AUTS2: variants seen among roughly 807,000 people sequenced by gnomAD.
The protein encoded by AUTS2 is activator of transcription and developmental regulator AUTS2.
In AUTS2, 17 loss-of-function variants were observed where a neutral mutation model predicts 112.4. The ratio of observed to expected loss-of-function variants is 0.15; its 90% CI spans 0.10 to 0.23. The LOEUF is 0.23. AUTS2 is among the 10% of genes least tolerant of loss of function. The pLI is 1.00. For missense variants in AUTS2, 1,510 were observed against 1,701.6 expected (o/e 0.89, Z 1.98); for synonymous variants, 751 against 702.7 (o/e 1.07, Z -1.09).
At chr7:70,367,352 C>T (rs954971765) in intron 4 of AUTS2, among the ~76,000 whole-genome samples, 4 of 151,822 alleles carry the variant, frequency 2.6e-5, no homozygotes, top group Non-Finnish European at 5.9e-5. Context: ...GTCAGGAGAT[C>T]GAGACCATCC....
chr7:70,249,319 T>C (rs1010832402), intron 4 of AUTS2, among the ~76,000 whole-genome samples: 2 of 152,166 alleles, frequency 1.3e-5, no homozygotes, highest in African/African-American at 4.8e-5. Context: ...AGGTCCAAAA[T>C]ATCATTTCAA....
chr7:70,120,823 C>G (rs958328088), intron 3 of AUTS2, among the ~76,000 whole-genome samples: 9 of 152,104 alleles, frequency 5.9e-5, no homozygotes, highest in Non-Finnish European at 1.0e-4. Flanking sequence ...TTCCAACAAT[C>G]TTTTTTTGCA....
chr7:70,377,590 G>T (rs909413278), intron 4 of AUTS2, among the ~76,000 whole-genome samples: 1 of 150,690 alleles, frequency 6.6e-6, no homozygotes, highest in Non-Finnish European at 1.5e-5. Context: ...AACATTTTTC[G>T]TCTTCCCAAA....
intron 6 of AUTS2, among the ~76,000 whole-genome samples, chr7:70,736,645 G>A (rs940956046): frequency 1.3e-5 from 2 of 152,148 alleles, no homozygotes; most frequent in African/African-American, 4.8e-5. Context: ...GATAGATTGG[G>A]GTGATTAGCT....
chr7:69,795,670 G>T (rs143240076), intron 1 of AUTS2, among the ~76,000 whole-genome samples: 1 of 152,220 alleles, frequency 6.6e-6, no homozygotes, highest in Non-Finnish European at 1.5e-5. Flanking sequence ...GATGCGAAAG[G>T]TTTGTTCTAT....
rs554212664 is a variant in AUTS2, at chr7:70,627,061, T to G, written c.691-71508T>G. ...TGGGATTTCTGGGTCAAATGGTAAT[T>G]CTGTTTTAAGTTCTTTGAAAAACCT... On this transcript the variant is annotated intron_variant, in intron 5 of 18. Coordinates refer to ENST00000342771, the MANE Select transcript of AUTS2 (RefSeq NM_015570.4). 4.6e-5 allele frequency among the ~76,000 whole-genome samples: 7 copies of G among 152,326 alleles called. No individual in the cohort carries two copies. The South Asian group carries it at 1.2e-3, about 27-fold the overall frequency.
At chr7:69,660,544 G>T (rs1274183098) in intron 1 of AUTS2, among the ~76,000 whole-genome samples, 1 of 152,132 alleles carries the variant, frequency 6.6e-6, no homozygotes, top group Non-Finnish European at 1.5e-5. Context: ...TACTTATTTT[G>T]AGTGGAGGTG....
intron 1 of AUTS2, among the ~76,000 whole-genome samples, chr7:69,770,470 G>C (rs1045494040): frequency 2.0e-5 from 3 of 152,106 alleles, no homozygotes; most frequent in Non-Finnish European, 4.4e-5. Flanking sequence ...GAGCATCCTG[G>C]CTACCTGAGA....
At chr7:70,063,457 C>T (rs1010221572) in intron 2 of AUTS2, among the ~76,000 whole-genome samples, 1 of 152,142 alleles carries the variant, frequency 6.6e-6, no homozygotes, top group African/African-American at 2.4e-5. Context: ...CCAGCTTTCT[C>T]GTATCCTGGC....
intron 4 of AUTS2, among the ~76,000 whole-genome samples, chr7:70,427,938 C>A (rs1406812674): frequency 2.6e-5 from 4 of 152,178 alleles, no homozygotes; most frequent in Non-Finnish European, 2.9e-5. Context: ...ATCTCCTGAA[C>A]AATTGAAGAT....
At chr7:69,612,897 T>TACTC (rs1354248364) in intron 1 of AUTS2, among the ~76,000 whole-genome samples, 1 of 152,220 alleles carries the variant, frequency 6.6e-6, no homozygotes, top group Non-Finnish European at 1.5e-5. Context: ...GCATAGTAGG[T>TACTC]ACTCAGTCAT....
rs57525224 is a variant in AUTS2 at position 70,739,003 on chromosome 7, C to CTTTTTTTTTTTTTTTTTTTT, written c.743-23852_743-23833dup. Among the ~76,000 whole-genome samples, 16 of 57,306 alleles carry CTTTTTTTTTTTTTTTTTTTT rather than the reference C, an allele frequency of 2.8e-4. 4 individuals are homozygous for CTTTTTTTTTTTTTTTTTTTT. Among genetic ancestry groups the CTTTTTTTTTTTTTTTTTTTT allele is most frequent in the East Asian group, 7.8e-4 (1 of 1,280 alleles). 37.6% of individuals were successfully genotyped at this position (57,306 alleles called of 152,430 possible). Reference sequence around the variant, plus strand: ...GGTGATGTCCACGAGGTTTTGAGGCCTTTTTTTTTTTTTTTTTTTTTTTTT... The same window carrying CTTTTTTTTTTTTTTTTTTTT: ...GGTGATGTCCACGAGGTTTTGAGGCCTTTTTTTTTTTTTTTTTTTTTTTTTTTTTTTTTTTTTTTTTTTTT... On this transcript the variant is annotated intron_variant, in intron 6 of 18. Coordinates refer to ENST00000342771, the MANE Select transcript of AUTS2 (RefSeq NM_015570.4).
intron 6 of AUTS2, among the ~76,000 whole-genome samples, chr7:70,753,395 A>G (rs1195127638): frequency 6.6e-6 from 1 of 152,222 alleles, no homozygotes; most frequent in Admixed American, 6.5e-5. Flanking sequence ...AGCACAAAAT[A>G]GAATCTCTTC....
At chr7:69,727,846 C>G (rs982664258) in intron 1 of AUTS2, among the ~76,000 whole-genome samples, 2 of 152,020 alleles carry the variant, frequency 1.3e-5, no homozygotes, top group African/African-American at 4.8e-5. Context: ...ATCAAATTGT[C>G]CAGTTCTTAA....
At chr7:70,384,727 T>C (rs867057214) in intron 4 of AUTS2, among the ~76,000 whole-genome samples, 1 of 152,226 alleles carries the variant, frequency 6.6e-6, no homozygotes, top group African/African-American at 2.4e-5. Context: ...TTCAGCCTAC[T>C]ATTACAAGTT....
At chr7:70,567,548 A>C (rs1801757281) in intron 5 of AUTS2, among the ~76,000 whole-genome samples, 1 of 152,240 alleles carries the variant, frequency 6.6e-6, no homozygotes, top group South Asian at 2.1e-4. Flanking sequence ...TCACAGCTCC[A>C]GCATCAGTGA....
intron 11 of AUTS2, among the ~76,000 whole-genome samples, chr7:70,772,325 C>T (rs527821525): frequency 6.6e-6 from 1 of 152,334 alleles, no homozygotes; most frequent in South Asian, 2.1e-4. Flanking sequence ...TCTGTTCTAC[C>T]TAGTCAGTGA....
At chr7:69,937,267 T>G (rs1796449835) in intron 2 of AUTS2, among the ~76,000 whole-genome samples, 1 of 152,172 alleles carries the variant, frequency 6.6e-6, no homozygotes, top group Non-Finnish European at 1.5e-5. Flanking sequence ...TGGCCACAGA[T>G]AAGAGTGTTA....
intron 5 of AUTS2, among the ~76,000 whole-genome samples, chr7:70,498,623 G>C (rs1406640005): frequency 6.6e-6 from 1 of 152,194 alleles, no homozygotes; most frequent in Non-Finnish European, 1.5e-5. Context: ...ATGCCAGTCA[G>C]CTGCAACCAC....
Sources: allele counts gnomAD v4.1 joint callset (sites outside exome capture counted in the v4.1 genomes callset), GRCh38; gene constraint gnomAD v4.1.1; transcripts MANE v1.5; gene names NCBI Gene and HGNC (gene_info 2026-07-23, HGNC 2026-07-21).